The following CDK12 variants were observed in gnomAD, a reference collection of about 807,000 sequenced individuals.
CDK12 encodes cyclin dependent kinase 12.
CDK12 carries 17 observed loss-of-function variants against 133.8 expected under a neutral mutation model. The observed-to-expected ratio is 0.13, with a 90% CI of 0.09 to 0.19. The LOEUF (loss-of-function observed/expected upper bound fraction) is 0.19, where lower values mean the gene tolerates loss of function less well. Ranked by LOEUF, CDK12 falls within the 10% of genes least tolerant of loss-of-function variation. The pLI is 1.00. For synonymous variants in CDK12, 694 were observed against 683.6 expected (o/e 1.02, Z -0.24); for missense variants, 1,508 against 1,818.7 (o/e 0.83, Z 3.11).
At chr17:39,544,075 T>C (rs902264983), upstream of CDK12, 26 of 393,012 alleles carry the variant, frequency 6.6e-5, no homozygotes, top group Admixed American at 7.0e-4. Flanking sequence ...GGGAGTGTAC[T>C]AAGGTTAGTC....
intron 1 of CDK12, among the ~76,000 whole-genome samples, chr17:39,467,772 A>G (rs1478407469): frequency 6.6e-6 from 1 of 152,144 alleles, no homozygotes; most frequent in Non-Finnish European, 1.5e-5. Context: ...TACAGAAGGA[A>G]TGTTAGTTTT....
rs1331622564 is a variant in CDK12, at chr17:39,524,689, G to A, written c.3111G>A (p.Gln1037=). ...KMAPPDLPHW[Q]DCHELWSKKR... Reference sequence around the variant, plus strand: ...CTTTTTCCAGCCTCCCCCACTGGCAGGATTGCCATGAGTTGTGGAGTAAGA... The same window carrying A: ...CTTTTTCCAGCCTCCCCCACTGGCAAGATTGCCATGAGTTGTGGAGTAAGA... The change falls in exon 12 of 14, where the codon CAG becomes CAA. Residue 1037 remains glutamine, a synonymous_variant. Transcript: ENST00000447079. The A allele has an allele frequency of 6.2e-7, 1 of 1,614,122 alleles. No individual in the cohort carries two copies. The highest frequency in any genetic ancestry group is 1.7e-5 in the Admixed American group (1 of 60,004).
At chr17:39,488,799 G>A (rs1454736573) in intron 2 of CDK12, among the ~76,000 whole-genome samples, 2 of 151,982 alleles carry the variant, frequency 1.3e-5, no homozygotes, top group Non-Finnish European at 2.9e-5. Context: ...TGCCCAGGGT[G>A]GAGTGCAATG....
intron 12 of CDK12, 131 bp from the exon 13 acceptor site, chr17:39,525,733 C>A: frequency 1.5e-6 from 1 of 669,072 alleles, no homozygotes; most frequent in Non-Finnish European, 2.6e-6. Flanking sequence ...CATTTTGAGG[C>A]ATGAAAAAAT....
At position 39,530,680 on chromosome 17, in the gene CDK12, C is replaced by A. The variant is rs775020016; in HGVS notation, c.3837C>A (p.Pro1279=). The A allele has an allele frequency of 1.9e-6, 3 of 1,613,748 alleles. No individual in the cohort carries two copies. The highest frequency in any genetic ancestry group is 2.5e-6 in the Non-Finnish European group (3 of 1,179,822). Residue 1279 remains proline, a synonymous_variant, in exon 14 of 14, where the codon CCC becomes CCA. Coordinates refer to ENST00000447079, the MANE Select transcript of CDK12 (RefSeq NM_016507.4). Reference sequence around the variant, plus strand: ...GACCTCCACCGCCGCCACCTCCACCCCCTCTGGTTGAAGGCGATCTTTCCA... The same window carrying A: ...GACCTCCACCGCCGCCACCTCCACCACCTCTGGTTGAAGGCGATCTTTCCA... ...PPGPPPPPPP[P]PLVEGDLSSA...
At chr17:39,556,670 A>G (rs1193010317) in intron 3 of CDK12, among the ~76,000 whole-genome samples, 5 of 151,854 alleles carry the variant, frequency 3.3e-5, no homozygotes, top group Non-Finnish European at 7.4e-5. Context: ...CCTGCCAACA[A>G]TCCTGCTCTC....
chr17:39,468,791 T>TTTAATTAA (rs982752976), intron 1 of CDK12, among the ~76,000 whole-genome samples: 2 of 151,330 alleles, frequency 1.3e-5, no homozygotes, highest in African/African-American at 4.8e-5. Flanking sequence ...ATGTTTTTAT[T>TTTAATTAA]TTAATTAATT....
chr17:39,557,874 AGCTGT>A lies in CDK12; in HGVS notation n.484+1465_484+1469del, dbSNP rs1430764006. Among the ~76,000 whole-genome samples, 8 of 152,324 alleles carry A rather than the reference AGCTGT, an allele frequency of 5.3e-5. 1 individual carries two copies. The highest frequency in any genetic ancestry group is 4.6e-4 in the Admixed American group (7 of 15,304). On this transcript the variant is annotated intron_variant and non_coding_transcript_variant, in intron 3 of 3. Coordinates refer to the CDK12 transcript ENST00000558240. ...TCCAGTGCCATCTCTGCCACTTACC[AGCTGT>A]GCTACCTTGGTAATTCACTTAACCT...
Position 39,471,759 on chromosome 17 carries a change from G to T in CDK12, c.1927G>T (p.Asp643Tyr). ...CTTATTACCTGGAGATGATGACATG[G>T]ATAGGTAAGTCCTATAGTGAACTGG... Reference protein sequence around the residue: ...PPLLPGDDDMDSPKETLPSKP... With the variant: ...PPLLPGDDDMYSPKETLPSKP... Residue 643 changes from aspartate (D) to tyrosine (Y), a missense_variant, in exon 2 of 14, where the codon GAT becomes TAT. Asp to Tyr is a radical substitution (Grantham distance 160). Around this residue, in one of 9 missense-constraint regions of CDK12, gnomAD observed 347 missense variants for 330.8 expected, o/e 1.05. Coordinates refer to ENST00000447079, the MANE Select transcript of CDK12 (RefSeq NM_016507.4). 6.2e-7 allele frequency: 1 copy of T among 1,610,190 alleles called. No individual in the cohort carries two copies. The highest frequency in any genetic ancestry group is 8.5e-7 in the Non-Finnish European group (1 of 1,177,896).
Position 39,462,575 on chromosome 17 carries a change from A to AAGC in CDK12, c.512_514dup (p.Ser171dup). The AAGC allele has an allele frequency of 6.2e-7, 1 of 1,614,196 alleles. No homozygotes were observed. Among genetic ancestry groups the AAGC allele is most frequent in the Non-Finnish European group, 8.5e-7 (1 of 1,180,040 alleles). On this transcript the variant is annotated inframe_insertion, in exon 1 of 14. Coordinates refer to ENST00000447079, the MANE Select transcript of CDK12 (RefSeq NM_016507.4). Reference sequence around the variant, plus strand: ...ACTATGGGAAGGCGCAGGTAGCCAAAAGCAGCAGCAAGGAATCCAGGTCAT... The same window carrying AAGC: ...ACTATGGGAAGGCGCAGGTAGCCAAAAGCAGCAGCAGCAAGGAATCCAGGTCAT...
At chr17:39,566,361 A>AT (rs1285936563), downstream of CDK12, among the ~76,000 whole-genome samples, 4 of 152,090 alleles carry the variant, frequency 2.6e-5, no homozygotes, top group African/African-American at 9.7e-5. Context: ...GCAAGGAGCT[A>AT]TAAAAATCAA....
rs533054657 is a variant in CDK12 at position 39,526,772 on chromosome 17, A to C, written c.3760+456A>C. Among the ~76,000 whole-genome samples the C allele has an allele frequency of 3.9e-5, 6 of 152,320 alleles. No homozygotes were observed. In the South Asian group the frequency reaches 1.0e-3, roughly 26 times the overall value. On this transcript the variant is annotated intron_variant, in intron 13 of 13. Coordinates refer to ENST00000447079, the MANE Select transcript of CDK12 (RefSeq NM_016507.4). Reference sequence around the variant, plus strand: ...TGGAAGATACAATCAAGAAAACCCTAATAAAATATCATTGTTAATTTCCTG... The same window carrying C: ...TGGAAGATACAATCAAGAAAACCCTCATAAAATATCATTGTTAATTTCCTG...
At chr17:39,539,582 A>T (rs2055312245) in intron 1 of CDK12, among the ~76,000 whole-genome samples, 1 of 152,184 alleles carries the variant, frequency 6.6e-6, no homozygotes, top group African/African-American at 2.4e-5. Context: ...CTGTGTACAG[A>T]CAGGACAACC....
At chr17:39,495,286 C>T (rs1306045872) in intron 5 of CDK12, among the ~76,000 whole-genome samples, 1 of 150,612 alleles carries the variant, frequency 6.6e-6, no homozygotes, top group Non-Finnish European at 1.5e-5. Flanking sequence ...CTATGTTCGT[C>T]GAGCTGGTCT....
chr17:39,550,916 C>T (rs908968209), intron 1 of CDK12: 2 of 151,118 alleles, frequency 1.3e-5, no homozygotes, highest in Non-Finnish European at 2.9e-5. Context: ...CCTGTAATCC[C>T]ACCTACTTGG....
At chr17:39,472,638 C>T (rs1346469522) in intron 2 of CDK12, among the ~76,000 whole-genome samples, 3 of 151,608 alleles carry the variant, frequency 2.0e-5, no homozygotes, top group Non-Finnish European at 4.4e-5. Context: ...TGCATATTGC[C>T]GTATTTGCTC....
intron 1 of CDK12, among the ~76,000 whole-genome samples, chr17:39,470,415 C>G (rs1382911453): frequency 1.3e-5 from 2 of 152,088 alleles, no homozygotes; most frequent in African/African-American, 4.8e-5. Flanking sequence ...GCTACCGTGC[C>G]CAGCCAGTTT....
At chr17:39,521,505 C>A (rs910679454) in intron 11 of CDK12, among the ~76,000 whole-genome samples, 1 of 151,412 alleles carries the variant, frequency 6.6e-6, no homozygotes, top group African/African-American at 2.4e-5. Flanking sequence ...TCAGGTGATC[C>A]GCCCGCCTTG....
Position 39,482,015 on chromosome 17 carries a change from C to CATTTTTTTTTTTTTTTTTTTTT in CDK12, c.1932-8542_1932-8541insATTTTTTTTTTTTTTTTTTTTT, listed in dbSNP as rs773073791. Reference sequence around the variant, plus strand: ...GATTACAGGCATGAGCCTGGCTTGCCTTTTTTTTTTTTTTTTAACAGAGTT... The same window carrying CATTTTTTTTTTTTTTTTTTTTT: ...GATTACAGGCATGAGCCTGGCTTGCCATTTTTTTTTTTTTTTTTTTTTTTTTTTTTTTTTTTTTAACAGAGTT... On this transcript the variant is annotated intron_variant, in intron 2 of 13. Coordinates refer to ENST00000447079, the MANE Select transcript of CDK12 (RefSeq NM_016507.4). Among the ~76,000 whole-genome samples, 9 of 96,228 alleles carry CATTTTTTTTTTTTTTTTTTTTT rather than the reference C, an allele frequency of 9.4e-5. 3 individuals are homozygous for CATTTTTTTTTTTTTTTTTTTTT. Among genetic ancestry groups the CATTTTTTTTTTTTTTTTTTTTT allele is most frequent in the South Asian group, 4.3e-4 (1 of 2,326 alleles). 63.1% of individuals were successfully genotyped at this position (96,228 alleles called of 152,430 possible).
Sources: allele counts gnomAD v4.1 joint callset (sites outside exome capture counted in the v4.1 genomes callset), GRCh38; gene constraint gnomAD v4.1.1; regional missense constraint gnomAD v4.1.1; transcripts MANE v1.5; gene names NCBI Gene and HGNC (gene_info 2026-07-23, HGNC 2026-07-21).